The following IMPG1 variants were observed in gnomAD, a reference collection of about 807,000 sequenced individuals.
The protein encoded by IMPG1 is interphotoreceptor matrix proteoglycan 1, also known as interphotoreceptor matrix proteoglycan of 150 kDa.
In IMPG1, 85 loss-of-function variants were observed where a neutral mutation model predicts 92.0. The observed-to-expected ratio is 0.92, with a 90% CI of 0.78 to 1.11. IMPG1 has a LOEUF of 1.11. IMPG1 is among the 50% of genes least tolerant of loss of function. IMPG1 has a pLI of 0.00. For synonymous variants in IMPG1, 367 were observed against 334.1 expected (o/e 1.10, Z -1.08); for missense variants, 1,022 against 956.0 (o/e 1.07, Z -0.91).
At chr6:75,924,729 AT>A (rs1238085097) in intron 15 of IMPG1, among the ~76,000 whole-genome samples, 2 of 30,430 alleles carry the variant, frequency 6.6e-5, no homozygotes, top group African/African-American at 1.0e-4. Flanking sequence ...TAATATAATT[AT>A]ATATAATATA....
At chr6:75,957,012 C>G (rs963318812) in intron 12 of IMPG1, among the ~76,000 whole-genome samples, 4 of 152,026 alleles carry the variant, frequency 2.6e-5, no homozygotes, top group African/African-American at 7.2e-5. Flanking sequence ...TTCTGCCTCC[C>G]GGGTTTAAGC....
intron 9 of IMPG1, among the ~76,000 whole-genome samples, chr6:76,006,131 G>A (rs1190682766): frequency 6.6e-6 from 1 of 151,806 alleles, no homozygotes; most frequent in African/African-American, 2.4e-5. Context: ...GCCCACCTAG[G>A]TCTTTTTGAA....
At chr6:75,932,122 AG>A (rs1781677554) in intron 14 of IMPG1, among the ~76,000 whole-genome samples, 1 of 152,274 alleles carries the variant, frequency 6.6e-6, no homozygotes, top group Non-Finnish European at 1.5e-5. Context: ...AACAGGCAAC[AG>A]TAAAGCCATT....
At position 75,931,232 on chromosome 6, in the gene IMPG1, A is replaced by G. The variant is rs568998408; in HGVS notation, c.2045-81T>C. ...GGCAGCAGTCAAAGGCAAGAGACCA[A>G]ATACATTTGCTATTACCTCATTTTG... On this transcript the variant is annotated intron_variant, in intron 14 of 16. Coordinates refer to ENST00000369950, the MANE Select transcript of IMPG1 (RefSeq NM_001563.4). 3.8e-6 allele frequency: 5 copies of G among 1,324,126 alleles called. No individual in the cohort carries two copies. The African/African-American group carries it at 5.8e-5, about 15-fold the overall frequency. The allele number at this position is 1,324,126 out of a possible 1,614,324, so 82.0% of individuals were successfully genotyped here. A position where few individuals can be genotyped will look rare whatever the true frequency, so the allele number is the denominator to read the frequency against.
At chr6:75,993,482 G>T (rs957264307) in intron 12 of IMPG1, among the ~76,000 whole-genome samples, 2 of 148,998 alleles carry the variant, frequency 1.3e-5, no homozygotes, top group African/African-American at 2.6e-5. Context: ...GAAAGAGAGA[G>T]AGAAAGGGAG....
At chr6:76,058,212 A>T (rs1784151747) in intron 1 of IMPG1, among the ~76,000 whole-genome samples, 1 of 152,164 alleles carries the variant, frequency 6.6e-6, no homozygotes, top group Non-Finnish European at 1.5e-5. Context: ...GGTAGATAGA[A>T]ATAACATTAG....
chr6:76,050,800 T>A (rs903709704), intron 1 of IMPG1, among the ~76,000 whole-genome samples: 6 of 152,196 alleles, frequency 3.9e-5, no homozygotes, highest in African/African-American at 1.2e-4. Flanking sequence ...AAATTTTTTT[T>A]AGCTATTTAA....
intron 1 of IMPG1, among the ~76,000 whole-genome samples, chr6:76,065,170 G>A (rs1401249546): frequency 1.3e-5 from 2 of 152,016 alleles, no homozygotes; most frequent in Non-Finnish European, 2.9e-5. Context: ...GTGAAACTCT[G>A]GTGAAAAAAC....
Position 76,053,104 on chromosome 6 carries a change from C to G in IMPG1, c.68-10978G>C, listed in dbSNP as rs942338075. Among the ~76,000 whole-genome samples the G allele has an allele frequency of 2.0e-5, 3 of 152,200 alleles. No individual in the cohort carries two copies. The South Asian group carries it at 6.2e-4, about 31-fold the overall frequency. ...ACTGAAGTTCCACTAACCTTTTTTA[C>G]TGCTCTGCCTCCCAATTCTTAATTA... On this transcript the variant is annotated intron_variant, in intron 1 of 16. Transcript: ENST00000369950.
At chr6:75,922,754 C>A (rs1049383766) in intron 16 of IMPG1, among the ~76,000 whole-genome samples, 1 of 152,002 alleles carries the variant, frequency 6.6e-6, no homozygotes, top group Non-Finnish European at 1.5e-5. Flanking sequence ...TCTGTTTTTC[C>A]AATTTTCTTT....
chr6:76,005,294 G>GA lies in IMPG1; in HGVS notation c.1127dup (p.Thr377HisfsTer2). On this transcript the variant is annotated frameshift_variant, in exon 10 of 17. Coordinates refer to ENST00000369950, the MANE Select transcript of IMPG1 (RefSeq NM_001563.4). LOFTEE classifies it high-confidence loss of function. ...AAGCAATCATTAACTGACCATCAGT[G>GA]AACTGAATTGTCCCCACATCCAAAG... 6.2e-7 allele frequency: 1 copy of GA among 1,613,846 alleles called. No individual in the cohort carries two copies. The highest frequency in any genetic ancestry group is 2.2e-5 in the East Asian group (1 of 44,874).
chr6:75,940,717 G>T (rs974838784), intron 14 of IMPG1, among the ~76,000 whole-genome samples: 12 of 151,990 alleles, frequency 7.9e-5, no homozygotes, highest in African/African-American at 2.7e-4. Flanking sequence ...TAAGTGAACC[G>T]GCTCAGCCTG....
At chr6:76,072,147 G>T (rs1449029524) in intron 1 of IMPG1, among the ~76,000 whole-genome samples, 1 of 152,012 alleles carries the variant, frequency 6.6e-6, no homozygotes, top group Non-Finnish European at 1.5e-5. Flanking sequence ...TTAATAATAA[G>T]AATTTTCAAT....
chr6:75,998,415 C>T (rs751445709), intron 12 of IMPG1, among the ~76,000 whole-genome samples: 16 of 152,120 alleles, frequency 1.1e-4, no homozygotes, highest in South Asian at 2.1e-4. Flanking sequence ...GCTCATGTCA[C>T]GGATTCCTTC....
At chr6:76,065,054 A>G (rs1276979217) in intron 1 of IMPG1, among the ~76,000 whole-genome samples, 1 of 152,064 alleles carries the variant, frequency 6.6e-6, no homozygotes, top group African/African-American at 2.4e-5. Context: ...TAATGTATAT[A>G]CAACATACAT....
intron 13 of IMPG1, among the ~76,000 whole-genome samples, chr6:75,948,256 T>C (rs1436830751): frequency 6.6e-6 from 1 of 152,210 alleles, no homozygotes; most frequent in Non-Finnish European, 1.5e-5. Flanking sequence ...CCCCATGGCA[T>C]TGTGTTTCAG....
intron 13 of IMPG1, among the ~76,000 whole-genome samples, chr6:75,949,662 C>T (rs897023043): frequency 6.6e-6 from 1 of 152,088 alleles, no homozygotes; most frequent in African/African-American, 2.4e-5. Context: ...GACTAGGACC[C>T]CTTTTCTGTA....
intron 12 of IMPG1, among the ~76,000 whole-genome samples, chr6:75,969,117 G>T (rs1420989168): frequency 6.6e-6 from 1 of 152,158 alleles, no homozygotes; most frequent in Non-Finnish European, 1.5e-5. Flanking sequence ...ACTCATACAA[G>T]TAGATAGTAA....
At chr6:75,929,316 A>G (rs1039861076) in intron 15 of IMPG1, among the ~76,000 whole-genome samples, 1 of 151,934 alleles carries the variant, frequency 6.6e-6, no homozygotes, top group African/African-American at 2.4e-5. Context: ...TTGTTTTTGG[A>G]TTTCCCTGAT....
Sources: gnomAD v4.1 joint callset for allele counts (sites outside exome capture counted in the v4.1 genomes callset) on GRCh38, gnomAD v4.1.1 for gene constraint, MANE v1.5 for transcripts, NCBI Gene and HGNC (gene_info 2026-07-23, HGNC 2026-07-21) for gene names.